Variants in ZNF804A observed in about 807,000 individuals in gnomAD.
ZNF804A encodes zinc finger protein 804A.
In ZNF804A, 2 loss-of-function variants were observed where a neutral mutation model predicts 16.5. The observed-to-expected ratio is 0.12, with a 90% CI of 0.05 to 0.38. ZNF804A has a LOEUF of 0.38. Among genes scored for constraint, ZNF804A ranks in the 10% least tolerant of loss-of-function variants. The pLI is 0.99. For synonymous variants in ZNF804A, 534 were observed against 489.6 expected, an observed-to-expected ratio of 1.09 and a Z score of -1.20; for missense variants, 1,473 against 1,390.7, an observed-to-expected ratio of 1.06 and a Z score of -0.94.
intron 1 of ZNF804A, among the ~76,000 whole-genome samples, chr2:184,664,972 C>A (rs947356311): frequency 1.3e-5 from 2 of 152,116 alleles, no homozygotes; most frequent in Non-Finnish European, 2.9e-5. Flanking sequence ...TCTCTAAAAT[C>A]TAATTATAAT....
chr2:184,878,308 A>G (rs1231258657), intron 2 of ZNF804A, among the ~76,000 whole-genome samples: 2 of 152,066 alleles, frequency 1.3e-5, no homozygotes, highest in African/African-American at 4.8e-5. Flanking sequence ...AGAGATGTCT[A>G]TTTTACCAGG....
In ZNF804A at chr2:184,937,285, C is replaced by G; in HGVS notation, c.1889C>G (p.Ala630Gly). 8.1e-6 allele frequency: 13 copies of G among 1,613,848 alleles called. No homozygotes were observed. The highest frequency in any genetic ancestry group is 1.1e-5 in the Non-Finnish European group (13 of 1,179,902). ...GCAGAGAATAGTTACACTGAAAATG[C>G]TGGGAAATATCTATTGGAACCAATT... ...MEAENSYTENAGKYLLEPISE... is the reference protein window; with the variant it reads ...MEAENSYTENGGKYLLEPISE... The change falls in exon 4 of 4, where the codon GCT becomes GGT. Residue 630 changes from alanine (A) to glycine (G), a missense_variant. Transcript: ENST00000302277.
At chr2:184,612,950 A>G (rs13393273) in intron 1 of ZNF804A, among the ~76,000 whole-genome samples, 60,707 of 152,068 alleles carry the variant, frequency 0.4, 12,468 homozygotes, top group Middle Eastern at 0.46. Flanking sequence ...AGCTAGCATT[A>G]TATAAGCTAA....
intron 1 of ZNF804A, among the ~76,000 whole-genome samples, chr2:184,665,234 T>A (rs1032271748): frequency 6.6e-6 from 1 of 152,110 alleles, no homozygotes; most frequent in African/African-American, 2.4e-5. Context: ...CAGATGACAA[T>A]AAGGAACTAG....
At chr2:184,859,039 T>G (rs530267250) in intron 1 of ZNF804A, among the ~76,000 whole-genome samples, 2 of 152,300 alleles carry the variant, frequency 1.3e-5, no homozygotes, top group South Asian at 4.1e-4. Context: ...TTATTGGCCC[T>G]CCTTTATATG....
chr2:184,864,526 A>C (rs1003001788), intron 1 of ZNF804A, among the ~76,000 whole-genome samples: 1 of 152,220 alleles, frequency 6.6e-6, no homozygotes, highest in Non-Finnish European at 1.5e-5. Context: ...TATTATCTTT[A>C]AAATGAGAAA....
intron 1 of ZNF804A, among the ~76,000 whole-genome samples, chr2:184,690,095 A>G (rs772430386): frequency 1.3e-5 from 2 of 151,930 alleles, no homozygotes; most frequent in Non-Finnish European, 2.9e-5. Context: ...TCTAAGATTT[A>G]TAAAGTTTCA....
chr2:184,737,321 A>C (rs575888127), intron 1 of ZNF804A, among the ~76,000 whole-genome samples: 8 of 152,088 alleles, frequency 5.3e-5, no homozygotes, highest in African/African-American at 1.9e-4. Flanking sequence ...CCGGCCTCCC[A>C]AAGTGCTGGG....
At chr2:184,800,085 T>C (rs994425496) in intron 1 of ZNF804A, among the ~76,000 whole-genome samples, 7 of 152,128 alleles carry the variant, frequency 4.6e-5, no homozygotes, top group African/African-American at 1.7e-4. Context: ...ATTCATAATA[T>C]CACTTATTAT....
chr2:184,825,323 A>G (rs922348515), intron 1 of ZNF804A, among the ~76,000 whole-genome samples: 1 of 152,214 alleles, frequency 6.6e-6, no homozygotes, highest in Admixed American at 6.6e-5. Context: ...AGTAGTACAG[A>G]TAAGTTTATA....
intron 1 of ZNF804A, among the ~76,000 whole-genome samples, chr2:184,772,827 G>T (rs992098227): frequency 1.3e-5 from 2 of 150,820 alleles, no homozygotes; most frequent in Non-Finnish European, 3.0e-5. Context: ...TTTTGTAATA[G>T]ACATCCTAGT....
At chr2:184,845,785 C>T (rs1002149036) in intron 1 of ZNF804A, among the ~76,000 whole-genome samples, 3 of 152,090 alleles carry the variant, frequency 2.0e-5, no homozygotes, top group Non-Finnish European at 2.9e-5. Flanking sequence ...TTGGGGGTGT[C>T]CCTCTAAGAT....
At chr2:184,834,230 T>C (rs1310381423) in intron 1 of ZNF804A, among the ~76,000 whole-genome samples, 1 of 152,116 alleles carries the variant, frequency 6.6e-6, no homozygotes, top group Non-Finnish European at 1.5e-5. Context: ...AACTGTTTAT[T>C]TGATGCTAAA....
chr2:184,799,399 T>C (rs1694688133), intron 1 of ZNF804A, among the ~76,000 whole-genome samples: 1 of 152,292 alleles, frequency 6.6e-6, no homozygotes, highest in African/African-American at 2.4e-5. Context: ...ATTCTATGTT[T>C]TGAAGTTTTT....
chr2:184,711,558 G>A (rs1014272931), intron 1 of ZNF804A, among the ~76,000 whole-genome samples: 3 of 151,492 alleles, frequency 2.0e-5, no homozygotes, highest in Non-Finnish European at 4.4e-5. Context: ...CACTTTTTAT[G>A]CATATTTTAA....
chr2:184,812,227 C>G (rs1694912314), intron 1 of ZNF804A, among the ~76,000 whole-genome samples: 1 of 152,076 alleles, frequency 6.6e-6, no homozygotes, highest in African/African-American at 2.4e-5. Flanking sequence ...TGAAAAATGG[C>G]CATGTCTTTT....
At chr2:184,642,837 A>G (rs1286617570) in intron 1 of ZNF804A, among the ~76,000 whole-genome samples, 2 of 152,188 alleles carry the variant, frequency 1.3e-5, no homozygotes, top group African/African-American at 4.8e-5. Context: ...TAATAAAGCT[A>G]GATTCTTTGC....
chr2:184,936,837 A>T lies in ZNF804A; in HGVS notation c.1441A>T (p.Lys481Ter). ...NNLDKNKPDL[K>*]DLCSQQKQED... ...TCTAGATAAAAATAAGCCAGACTTA[A>T]AAGATCTTTGTTCTCAGCAGAAGCA... Residue 481 changes from lysine to a stop codon, truncating the protein, a stop_gained, in exon 4 of 4, where the codon AAA becomes TAA. Transcript: ENST00000302277. LOFTEE classifies it low-confidence loss of function (END_TRUNC). 1 of 1,612,734 alleles carries T rather than the reference A, an allele frequency of 6.2e-7. No individual in the cohort carries two copies. The highest frequency in any genetic ancestry group is 8.5e-7 in the Non-Finnish European group (1 of 1,179,576).
At chr2:184,816,037 G>C (rs1694977471) in intron 1 of ZNF804A, among the ~76,000 whole-genome samples, 2 of 151,978 alleles carry the variant, frequency 1.3e-5, no homozygotes, top group Admixed American at 1.3e-4. Flanking sequence ...AATGCATTAT[G>C]AACACAGAGC....
Sources: allele counts gnomAD v4.1 joint callset (sites outside exome capture counted in the v4.1 genomes callset), GRCh38; gene constraint gnomAD v4.1.1; transcripts MANE v1.5; gene names NCBI Gene and HGNC (gene_info 2026-07-23, HGNC 2026-07-21).